The following XPR1 variants were observed in gnomAD, a reference collection of about 807,000 sequenced individuals.
XPR1 encodes the protein xenotropic and polytropic retrovirus receptor 1.
A neutral mutation model predicts 87.5 loss-of-function variants in XPR1; 28 were observed. The observed-to-expected ratio is 0.32, with a 90% CI of 0.24 to 0.44. XPR1 has a LOEUF of 0.44. Ranked by LOEUF, XPR1 falls within the 20% of genes least tolerant of loss-of-function variation. XPR1 has a pLI of 1.00. For missense variants in XPR1, 559 were observed against 862.3 expected (o/e 0.65, Z 4.41); for synonymous variants, 300 against 306.1 (o/e 0.98, Z 0.21).
At chr1:180,705,020 T>C (rs1657513078) in intron 2 of XPR1, among the ~76,000 whole-genome samples, 1 of 151,780 alleles carries the variant, frequency 6.6e-6, no homozygotes, top group Non-Finnish European at 1.5e-5. Context: ...TAAAATTCTT[T>C]ATTCTTTAAA....
intron 1 of XPR1, among the ~76,000 whole-genome samples, chr1:180,653,818 C>G (rs1036258455): frequency 6.6e-6 from 1 of 152,108 alleles, no homozygotes; most frequent in African/African-American, 2.4e-5. Context: ...GATCTGGTAA[C>G]TGCATTGACT....
intron 2 of XPR1, among the ~76,000 whole-genome samples, chr1:180,724,429 A>G (rs1222817277): frequency 6.6e-6 from 1 of 152,210 alleles, no homozygotes; most frequent in Non-Finnish European, 1.5e-5. Flanking sequence ...ATTTGTCTTC[A>G]TATTAATGAA....
chr1:180,634,804 G>GA (rs1654712180), intron 1 of XPR1, among the ~76,000 whole-genome samples: 1 of 151,702 alleles, frequency 6.6e-6, no homozygotes, highest in Non-Finnish European at 1.5e-5. Flanking sequence ...ATTAGAATCT[G>GA]AAAATTTTGT....
At chr1:180,790,886 G>A (rs1649353314) in intron 3 of XPR1, among the ~76,000 whole-genome samples, 1 of 152,072 alleles carries the variant, frequency 6.6e-6, no homozygotes, top group Non-Finnish European at 1.5e-5. Context: ...TAGATTTTCT[G>A]TATGGGAAAA....
intron 2 of XPR1, among the ~76,000 whole-genome samples, chr1:180,737,971 A>T (rs1202901453): frequency 6.6e-6 from 1 of 151,984 alleles, no homozygotes; most frequent in Non-Finnish European, 1.5e-5. Flanking sequence ...AAGGAGTGGG[A>T]TTGCTGGGTT....
chr1:180,674,794 C>T (rs12060280), intron 1 of XPR1, among the ~76,000 whole-genome samples: 2,167 of 152,270 alleles, frequency 0.014, 40 homozygotes, highest in African/African-American at 0.049. Context: ...TATGCTGCCT[C>T]ACTGTAGAGA....
At chr1:180,777,000 C>A (rs1237111880) in intron 2 of XPR1, among the ~76,000 whole-genome samples, 1 of 152,066 alleles carries the variant, frequency 6.6e-6, no homozygotes, top group East Asian at 1.9e-4. Flanking sequence ...AATCATTTTG[C>A]AGAAATTAGC....
chr1:180,719,715 G>A (rs538028862), intron 2 of XPR1, among the ~76,000 whole-genome samples: 5 of 152,196 alleles, frequency 3.3e-5, no homozygotes, highest in East Asian at 3.9e-4. Flanking sequence ...TACTTTAAAC[G>A]TTTTATCACT....
intron 2 of XPR1, among the ~76,000 whole-genome samples, chr1:180,783,579 C>T (rs1179418307): frequency 1.3e-5 from 2 of 151,960 alleles, no homozygotes; most frequent in Non-Finnish European, 2.9e-5. Flanking sequence ...TACATATTTT[C>T]CATTAATGGG....
At chr1:180,805,135 T>C (rs534696871) in intron 4 of XPR1, among the ~76,000 whole-genome samples, 1 of 152,298 alleles carries the variant, frequency 6.6e-6, no homozygotes, top group East Asian at 1.9e-4. Context: ...GAAGATTGAT[T>C]AAAAGCTATC....
At chr1:180,866,098 G>C (rs183424587) in intron 12 of XPR1, among the ~76,000 whole-genome samples, 24 of 152,174 alleles carry the variant, frequency 1.6e-4, no homozygotes, top group Admixed American at 1.0e-3. Context: ...TGTAGCCCCA[G>C]CTACTCGGGA....
rs1653085808 is a variant in XPR1 at position 180,888,446 on chromosome 1, A to G, written c.*4380A>G. 1.1e-5 allele frequency: 1 copy of G among 90,358 alleles called. No homozygotes were observed. Among genetic ancestry groups the G allele is most frequent in the Non-Finnish European group, 2.7e-5 (1 of 37,276 alleles). The allele number at this position is 90,358 out of a possible 1,614,324, so 5.6% of individuals were successfully genotyped here. A position where few individuals can be genotyped will look rare whatever the true frequency, so the allele number is the denominator to read the frequency against. ...GAGATAGCTTCTGAGAGAAAAAAAG[A>G]AAGTTGAATTTGTAGCTCTCTCAAC... On this transcript the variant is annotated 3_prime_UTR_variant, in exon 15 of 15. Transcript: ENST00000367590.
At chr1:180,835,496 A>ACC (rs111339401) in intron 10 of XPR1, among the ~76,000 whole-genome samples, 4,687 of 150,316 alleles carry the variant, frequency 0.031, 285 homozygotes, top group African/African-American at 0.11. Flanking sequence ...CCGTTTTCGC[A>ACC]CCCCCCCCTT....
At chr1:180,714,350 TCTC>T (rs1474165811) in intron 2 of XPR1, among the ~76,000 whole-genome samples, 71 of 6,500 alleles carry the variant, frequency 0.011, 1 homozygote, top group African/African-American at 0.036. Context: ...TTTTCCCTGT[TCTC>T]TCTCTCTCTC....
At chr1:180,783,124 A>G (rs1313521379) in intron 2 of XPR1, among the ~76,000 whole-genome samples, 19 of 151,880 alleles carry the variant, frequency 1.3e-4, no homozygotes, top group Admixed American at 1.2e-3. Context: ...TAGATAATCT[A>G]TTTCCTGTGG....
In XPR1 at chr1:180,673,638, A is replaced by G. The variant is rs553797973; in HGVS notation, c.70-8722A>G. On this transcript the variant is annotated intron_variant, in intron 1 of 14. Transcript: ENST00000367590. Reference sequence around the variant, plus strand: ...ATCAGCAACGGCGTTAGATTCTCATAGGAGTACGACCCCTATTGTGAACTG... The same window carrying G: ...ATCAGCAACGGCGTTAGATTCTCATGGGAGTACGACCCCTATTGTGAACTG... Among the ~76,000 whole-genome samples the G allele has an allele frequency of 3.9e-5, 6 of 152,336 alleles. No homozygotes were observed. The East Asian group carries it at 7.7e-4, about 20-fold the overall frequency.
intron 2 of XPR1, among the ~76,000 whole-genome samples, chr1:180,753,587 A>G (rs1369957816): frequency 6.6e-6 from 1 of 151,846 alleles, no homozygotes; most frequent in African/African-American, 2.4e-5. Context: ...TGAAAATGTT[A>G]GAACTATCAC....
At position 180,756,739 on chromosome 1, in the gene XPR1, G is replaced by T. The variant is rs149057493; in HGVS notation, c.122-31014G>T. Among the ~76,000 whole-genome samples, 242 of 152,192 alleles carry T rather than the reference G, an allele frequency of 1.6e-3. 1 individual carries two copies. The highest frequency in any genetic ancestry group is 5.5e-3 in the African/African-American group (228 of 41,524). The stretch of plus-strand genomic sequence containing the variant: ...AGATTTTCTTATTTTTATTTTCTAA[G>T]AGCAATGTAATGATAGCATTGTGGG... On this transcript the variant is annotated intron_variant, in intron 2 of 14. Coordinates refer to ENST00000367590, the MANE Select transcript of XPR1 (RefSeq NM_004736.4).
intron 12 of XPR1, 34 bp from the exon 13 acceptor site, chr1:180,873,769 A>G: frequency 6.2e-7 from 1 of 1,606,886 alleles, no homozygotes; most frequent in Non-Finnish European, 8.5e-7. Flanking sequence ...GAAATGTGAT[A>G]GAAAACATAC....
Sources: allele counts gnomAD v4.1 joint callset (sites outside exome capture counted in the v4.1 genomes callset), GRCh38; gene constraint gnomAD v4.1.1; transcripts MANE v1.5; gene names NCBI Gene and HGNC (gene_info 2026-07-23, HGNC 2026-07-21).